Variants in PRKAR2A observed in about 807,000 individuals in gnomAD.
The protein encoded by PRKAR2A is cAMP-dependent protein kinase type II-alpha regulatory subunit.
In PRKAR2A, 29 loss-of-function variants were observed where a neutral mutation model predicts 51.9. The observed-to-expected ratio is 0.56, with a 90% CI of 0.42 to 0.76. The LOEUF (loss-of-function observed/expected upper bound fraction) is 0.76. PRKAR2A is among the 30% of genes least tolerant of loss of function. The probability of loss-of-function intolerance (pLI) is 0.00; values close to 1 mark genes in which losing one functional copy is unlikely to be tolerated. For synonymous variants in PRKAR2A, 178 were observed against 186.2 expected, an observed-to-expected ratio of 0.96 and a Z score of 0.36; for missense variants, 445 against 512.1, an observed-to-expected ratio of 0.87 and a Z score of 1.26.
At chr3:48,817,111 G>A (rs2082886006) in intron 1 of PRKAR2A, among the ~76,000 whole-genome samples, 1 of 150,026 alleles carries the variant, frequency 6.7e-6, no homozygotes, top group Non-Finnish European at 1.5e-5. Context: ...GGTGGATCAC[G>A]AGATCAAGAG....
In PRKAR2A at chr3:48,792,198, G is replaced by GT. The variant is rs200991730; in HGVS notation, c.352-1572dup. On this transcript the variant is annotated intron_variant, in intron 3 of 10. Transcript: ENST00000265563. ...GCTCTGTTGCCCAGGTTGGAGTGCA[G>GT]TGGCGCAATTCTGGCTCACTGCAAC... is the stretch of plus-strand genomic sequence containing the variant. Among the ~76,000 whole-genome samples, 560 of 151,614 alleles carry GT rather than the reference G, an allele frequency of 3.7e-3. 6 individuals are homozygous for GT. The highest frequency in any genetic ancestry group is 0.013 in the East Asian group (68 of 5,116).
At chr3:48,816,039 A>G (rs1234974179) in intron 1 of PRKAR2A, among the ~76,000 whole-genome samples, 2 of 150,562 alleles carry the variant, frequency 1.3e-5, no homozygotes, top group East Asian at 3.9e-4. Flanking sequence ...AAAAAAAAAA[A>G]GAAGCTAGAA....
At position 48,772,894 on chromosome 3, in the gene PRKAR2A, CAG is replaced by C. The variant is rs2082048832; in HGVS notation, c.696+59_696+60del. On this transcript the variant is annotated intron_variant, in intron 6 of 10. Coordinates refer to ENST00000265563, the MANE Select transcript of PRKAR2A (RefSeq NM_004157.4). ...ATAGTGTAAATCAACAGCCCAAGGA[CAG>C]AGACACAGAAAGGGAATTAATACTG... The C allele has an allele frequency of 3.3e-6, 5 of 1,516,648 alleles. No individual in the cohort carries two copies. The South Asian group carries it at 4.9e-5, about 15-fold the overall frequency. 93.9% of individuals were successfully genotyped at this position (1,516,648 alleles called of 1,614,324 possible). A position where few individuals can be genotyped will look rare whatever the true frequency, so the allele number is the denominator to read the frequency against.
intron 1 of PRKAR2A, among the ~76,000 whole-genome samples, chr3:48,835,619 G>A (rs1438582114): frequency 1.4e-5 from 2 of 143,582 alleles, no homozygotes; most frequent in Admixed American, 7.2e-5. Context: ...CAGCCTGGGG[G>A]ACAGAGCAAG....
At chr3:48,783,591 T>C (rs1022710605) in intron 4 of PRKAR2A, among the ~76,000 whole-genome samples, 2 of 152,184 alleles carry the variant, frequency 1.3e-5, no homozygotes, top group Non-Finnish European at 2.9e-5. Flanking sequence ...TTGTTTTTTT[T>C]TGTTCTGGAG....
At chr3:48,822,299 A>G (rs185202762) in intron 1 of PRKAR2A, among the ~76,000 whole-genome samples, 12 of 151,996 alleles carry the variant, frequency 7.9e-5, no homozygotes, top group South Asian at 2.1e-4. Flanking sequence ...CATGGGGTAT[A>G]AATATGGTGA....
At chr3:48,808,054 T>G (rs1433022683) in intron 1 of PRKAR2A, among the ~76,000 whole-genome samples, 1 of 147,110 alleles carries the variant, frequency 6.8e-6, no homozygotes, top group Non-Finnish European at 1.5e-5. Context: ...CTTTCTTTTT[T>G]TTTTTTTTTT....
At chr3:48,766,913 A>G (rs1360763189) in intron 6 of PRKAR2A, among the ~76,000 whole-genome samples, 2 of 152,142 alleles carry the variant, frequency 1.3e-5, no homozygotes, top group Non-Finnish European at 2.9e-5. Flanking sequence ...CCTGGGGTCA[A>G]GTGATCTCCC....
chr3:48,777,316 A>G (rs2082120343), intron 5 of PRKAR2A, among the ~76,000 whole-genome samples: 1 of 152,206 alleles, frequency 6.6e-6, no homozygotes, highest in Non-Finnish European at 1.5e-5. Context: ...ATTTTGGGTG[A>G]GGTGTCTGAT....
chr3:48,799,113 C>T (rs2082544372), intron 2 of PRKAR2A, among the ~76,000 whole-genome samples: 1 of 152,212 alleles, frequency 6.6e-6, no homozygotes, highest in Middle Eastern at 3.4e-3. Context: ...TTGTTGCTGC[C>T]CCAAGGGTTC....
In PRKAR2A at chr3:48,751,474, C is replaced by T. The variant is rs2081646271; in HGVS notation, c.*111G>A. The T allele has an allele frequency of 1.4e-6, 2 of 1,480,422 alleles. No individual in the cohort carries two copies. The highest frequency in any genetic ancestry group is 4.6e-5 in the East Asian group (2 of 43,692). 91.7% of individuals were successfully genotyped at this position (1,480,422 alleles called of 1,614,324 possible). On this transcript the variant is annotated 3_prime_UTR_variant, in exon 11 of 11. Transcript: ENST00000265563. ...ATGCCCATAACCACAGCAATGGCAG[C>T]AGTGGCGGCAACGGCAGGAACAGTT...
chr3:48,826,287 A>G (rs765242125), intron 1 of PRKAR2A, among the ~76,000 whole-genome samples: 1 of 152,172 alleles, frequency 6.6e-6, no homozygotes, highest in African/African-American at 2.4e-5. Context: ...AGGGGTTCCC[A>G]TGACCCCTCT....
chr3:48,846,787 T>A (rs2083470116), intron 1 of PRKAR2A, among the ~76,000 whole-genome samples: 1 of 152,188 alleles, frequency 6.6e-6, no homozygotes, highest in Admixed American at 6.6e-5. Context: ...CCTGAGAGAT[T>A]TGCTTTAATA....
chr3:48,758,032 G>C (rs2081799930), intron 8 of PRKAR2A, among the ~76,000 whole-genome samples: 1 of 151,938 alleles, frequency 6.6e-6, no homozygotes, highest in South Asian at 2.1e-4. Context: ...CTCCAGCCTG[G>C]GCGACAAGAA....
chr3:48,780,319 C>T (rs1275239251), intron 5 of PRKAR2A, among the ~76,000 whole-genome samples: 1 of 151,686 alleles, frequency 6.6e-6, no homozygotes, highest in East Asian at 1.9e-4. Context: ...AAAACATTTC[C>T]TTTGGACAGG....
chr3:48,764,014 G>C (rs943201760), intron 8 of PRKAR2A, among the ~76,000 whole-genome samples: 3 of 151,998 alleles, frequency 2.0e-5, no homozygotes, highest in Non-Finnish European at 4.4e-5. Flanking sequence ...TTGTGTTCTA[G>C]TGGGGCCAAC....
intron 2 of PRKAR2A, among the ~76,000 whole-genome samples, chr3:48,797,306 C>A (rs2082512206): frequency 6.6e-6 from 1 of 151,924 alleles, no homozygotes; most frequent in African/African-American, 2.4e-5. Flanking sequence ...GTAACTGGGG[C>A]TACAAGTGCA....
At chr3:48,803,293 C>G (rs923865783) in intron 2 of PRKAR2A, among the ~76,000 whole-genome samples, 1 of 151,932 alleles carries the variant, frequency 6.6e-6, no homozygotes, top group African/African-American at 2.4e-5. Context: ...ACTTGTCGTC[C>G]CAGCTACTTG....
chr3:48,746,495 A>G (rs1375623784), downstream of PRKAR2A: 1 of 152,196 alleles, frequency 6.6e-6, no homozygotes, highest in Non-Finnish European at 1.5e-5. Flanking sequence ...CTACCAGAAG[A>G]ATGAATCTGC....
Sources: allele counts gnomAD v4.1 joint callset (sites outside exome capture counted in the v4.1 genomes callset), GRCh38; gene constraint gnomAD v4.1.1; transcripts MANE v1.5; gene names NCBI Gene and HGNC (gene_info 2026-07-23, HGNC 2026-07-21).